BBS9: variants seen among roughly 807,000 people sequenced by gnomAD.
BBS9 encodes the protein Bardet-Biedl syndrome 9.
Under a neutral mutation model 117.7 loss-of-function variants are expected in BBS9, and 89 were observed. The ratio of observed to expected loss-of-function variants is 0.76; its 90% CI spans 0.64 to 0.90. The LOEUF is 0.90. Ranked by LOEUF, BBS9 falls within the 40% of genes least tolerant of loss-of-function variation. The pLI, the probability that BBS9 is intolerant of heterozygous loss-of-function variation, is 0.00. For synonymous variants in BBS9, 379 were observed against 370.9 expected, an observed-to-expected ratio of 1.02 and a Z score of -0.25; for missense variants, 982 against 1,042.2, an observed-to-expected ratio of 0.94 and a Z score of 0.80.
intron 19 of BBS9, among the ~76,000 whole-genome samples, chr7:33,446,526 G>A (rs139936783): frequency 6.7e-4 from 102 of 152,206 alleles, no homozygotes; most frequent in African/African-American, 2.4e-3. Context: ...CCTGCCTATT[G>A]CCATGATCAA....
chr7:33,566,019 C>T (rs1010679471), intron 21 of BBS9, among the ~76,000 whole-genome samples: 1 of 150,710 alleles, frequency 6.6e-6, no homozygotes, highest in Non-Finnish European at 1.5e-5. Flanking sequence ...GTGTGGTCTG[C>T]GGATAACATC....
intron 19 of BBS9, among the ~76,000 whole-genome samples, chr7:33,440,998 A>C (rs1391811430): frequency 6.6e-6 from 1 of 152,198 alleles, no homozygotes; most frequent in Non-Finnish European, 1.5e-5. Flanking sequence ...AGGTAGATAT[A>C]TTTGTCAGAA....
At position 33,146,272 on chromosome 7, in the gene BBS9, G is replaced by A. The variant is rs746340993; in HGVS notation, c.20G>A (p.Arg7His). 1.5e-5 allele frequency: 24 copies of A among 1,613,546 alleles called. No homozygotes were observed. The Admixed American group carries it at 1.7e-4, about 11-fold the overall frequency. The change falls in exon 2 of 23, where the codon CGT (arginine) becomes CAT (histidine). Residue 7 changes from arginine to histidine, a missense_variant. Transcript: ENST00000242067. ...AAGAAAATGTCTTTATTTAAAGCCC[G>A]TGATTGGTGGTCTACTATTCTGGGA... is the stretch of plus-strand genomic sequence containing the variant. MSLFKA[R>H]DWWSTILGDK...
At chr7:33,388,789 A>G (rs115361593) in intron 19 of BBS9, among the ~76,000 whole-genome samples, 4,400 of 152,306 alleles carry the variant, frequency 0.029, 208 homozygotes, top group African/African-American at 0.093. Context: ...ATTTTAAAAA[A>G]TCATGAGAAG....
intron 5 of BBS9, among the ~76,000 whole-genome samples, chr7:33,214,329 C>T (rs1029448182): frequency 6.6e-6 from 1 of 152,108 alleles, no homozygotes; most frequent in Non-Finnish European, 1.5e-5. Context: ...AGTGCACAGA[C>T]TCTACACTGG....
chr7:33,235,013 G>A lies in BBS9; in HGVS notation c.443-22223G>A, dbSNP rs532041951. On this transcript the variant is annotated intron_variant, in intron 5 of 22. Transcript: ENST00000242067. ...TGGTTTTGAATTTAATATGTGACAAGTATATTTTAGCATTTTATTGGAGGA... is the reference window on the plus strand; with the variant it reads ...TGGTTTTGAATTTAATATGTGACAAATATATTTTAGCATTTTATTGGAGGA... 8.5e-5 allele frequency among the ~76,000 whole-genome samples: 13 copies of A among 152,106 alleles called. No homozygotes were observed. In the East Asian group the frequency reaches 2.3e-3, roughly 27 times the overall value.
chr7:33,546,573 A>G (rs903023160), intron 21 of BBS9, among the ~76,000 whole-genome samples: 1 of 152,114 alleles, frequency 6.6e-6, no homozygotes, highest in African/African-American at 2.4e-5. Context: ...CTAGAACATT[A>G]TTTTTCTAGC....
At chr7:33,301,752 C>T (rs1484749151) in intron 9 of BBS9, among the ~76,000 whole-genome samples, 2 of 152,132 alleles carry the variant, frequency 1.3e-5, no homozygotes, top group African/African-American at 4.8e-5. Context: ...GTGGAGAGAT[C>T]TCTTCAATCT....
intron 7 of BBS9, among the ~76,000 whole-genome samples, chr7:33,266,833 C>G (rs1451471199): frequency 2.0e-5 from 3 of 152,214 alleles, no homozygotes; most frequent in South Asian, 2.1e-4. Flanking sequence ...ACCTCCGCCT[C>G]CCGGGTTCAA....
At chr7:33,158,046 C>T (rs917755627) in intron 4 of BBS9, among the ~76,000 whole-genome samples, 1 of 152,154 alleles carries the variant, frequency 6.6e-6, no homozygotes, top group Admixed American at 6.5e-5. Context: ...AAGATGTGTA[C>T]TTCTCAAGAG....
At chr7:33,167,838 G>A (rs1795938027) in intron 4 of BBS9, among the ~76,000 whole-genome samples, 2 of 152,094 alleles carry the variant, frequency 1.3e-5, no homozygotes, top group Non-Finnish European at 2.9e-5. Flanking sequence ...GATTTTGGAT[G>A]CTTGTAAAGT....
rs138055660 is a variant in BBS9, at chr7:33,508,941, G to A, written c.2298+3296G>A. 6.3e-3 allele frequency among the ~76,000 whole-genome samples: 955 copies of A among 152,292 alleles called. 10 individuals carry two copies. Among genetic ancestry groups the A allele is most frequent in the Non-Finnish European group, 8.1e-3 (548 of 68,022 alleles). On this transcript the variant is annotated intron_variant, in intron 20 of 22. Coordinates refer to ENST00000242067, the MANE Select transcript of BBS9 (RefSeq NM_198428.3). The stretch of plus-strand genomic sequence containing the variant: ...TAAGCATGCTTATCCCTGTAGGCAG[G>A]TGAATGGACTTAGTCTCTCCTGAAA...
intron 15 of BBS9, among the ~76,000 whole-genome samples, chr7:33,353,368 A>G (rs1819028185): frequency 6.6e-6 from 1 of 152,096 alleles, no homozygotes; most frequent in Non-Finnish European, 1.5e-5. Context: ...ATGTTATCAA[A>G]CATCTGACTC....
At chr7:33,172,507 T>C (rs1796746575) in intron 4 of BBS9, among the ~76,000 whole-genome samples, 1 of 152,142 alleles carries the variant, frequency 6.6e-6, no homozygotes, top group Non-Finnish European at 1.5e-5. Context: ...CAAGCAAATA[T>C]CTTGTTATAT....
chr7:33,562,167 A>G (rs1856183193), intron 21 of BBS9, among the ~76,000 whole-genome samples: 1 of 152,242 alleles, frequency 6.6e-6, no homozygotes, highest in Non-Finnish European at 1.5e-5. Context: ...CATATAGGGC[A>G]TTTCAAAGAA....
intron 12 of BBS9, among the ~76,000 whole-genome samples, chr7:33,347,409 A>C (rs1192896417): frequency 6.6e-6 from 1 of 152,070 alleles, no homozygotes; most frequent in Non-Finnish European, 1.5e-5. Flanking sequence ...TCCTGCCATA[A>C]TAACCATCAG....
chr7:33,320,465 A>G (rs1040816807), intron 9 of BBS9, among the ~76,000 whole-genome samples: 5 of 152,098 alleles, frequency 3.3e-5, no homozygotes, highest in African/African-American at 4.8e-5. Flanking sequence ...TGTATGTATA[A>G]CAACATTTGC....
chr7:33,345,155 A>G, intron 12 of BBS9, among the ~76,000 whole-genome samples: 1 of 152,258 alleles, frequency 6.6e-6, no homozygotes, highest in Admixed American at 6.5e-5. Flanking sequence ...TGAAGATGCC[A>G]CAAAGTTAGA....
At chr7:33,304,339 C>T (rs1466221697) in intron 9 of BBS9, among the ~76,000 whole-genome samples, 26 of 149,310 alleles carry the variant, frequency 1.7e-4, no homozygotes, top group East Asian at 1.0e-3. Flanking sequence ...AGCACCTCTG[C>T]CCGGCCACCC....
Sources: gnomAD v4.1 joint callset for allele counts (sites outside exome capture counted in the v4.1 genomes callset) on GRCh38, gnomAD v4.1.1 for gene constraint, MANE v1.5 for transcripts, NCBI Gene and HGNC (gene_info 2026-07-23, HGNC 2026-07-21) for gene names.